The following LIN7A variants were observed in gnomAD, a reference collection of about 807,000 sequenced individuals.
The protein encoded by LIN7A is protein lin-7 homolog A.
In LIN7A, 25 loss-of-function variants were observed where a neutral mutation model predicts 29.8. That is an observed-to-expected ratio of 0.84 (90% CI 0.61 to 1.17). The LOEUF (loss-of-function observed/expected upper bound fraction) is 1.17. Among genes scored for constraint, LIN7A ranks in the 50% most tolerant of loss-of-function variants. The pLI is 0.00. For synonymous variants in LIN7A, 118 were observed against 107.5 expected (o/e 1.10, Z -0.60); for missense variants, 239 against 287.0 (o/e 0.83, Z 1.21).
intron 4 of LIN7A, among the ~76,000 whole-genome samples, chr12:80,828,897 GA>G (rs1411535293): frequency 6.6e-6 from 1 of 152,192 alleles, no homozygotes; most frequent in African/African-American, 2.4e-5. Context: ...TGGAGAGAGA[GA>G]GGGGCTGGAA....
At chr12:80,927,231 G>C (rs1472275134) in intron 1 of LIN7A, among the ~76,000 whole-genome samples, 1 of 133,180 alleles carries the variant, frequency 7.5e-6, no homozygotes, top group Admixed American at 8.9e-5. Flanking sequence ...GCGTGATCTC[G>C]GCTCATTGCA....
At chr12:80,867,944 G>C (rs1237994946) in intron 2 of LIN7A, among the ~76,000 whole-genome samples, 1 of 152,096 alleles carries the variant, frequency 6.6e-6, no homozygotes, top group East Asian at 1.9e-4. Context: ...TAACACAGTA[G>C]TATTTCAATT....
At chr12:80,798,786 CTTT>C (rs200030464) in intron 5 of LIN7A, among the ~76,000 whole-genome samples, 1 of 144,824 alleles carries the variant, frequency 6.9e-6, no homozygotes. Context: ...AGACTGAGTT[CTTT>C]TTTTTTTTTT....
intron 2 of LIN7A, among the ~76,000 whole-genome samples, chr12:80,873,856 C>CT (rs533172741): frequency 0.026 from 3,335 of 129,380 alleles, 53 homozygotes; most frequent in Non-Finnish European, 0.038. Flanking sequence ...TTTATGTTTG[C>CT]TTTTTTTTTT....
intron 2 of LIN7A, among the ~76,000 whole-genome samples, chr12:80,888,141 T>A (rs942261637): frequency 3.9e-5 from 6 of 152,156 alleles, no homozygotes; most frequent in African/African-American, 1.2e-4. Context: ...GACGTTATTA[T>A]GGTTATGTAC....
chr12:80,913,820 A>T (rs1876892339), intron 1 of LIN7A, among the ~76,000 whole-genome samples: 1 of 152,164 alleles, frequency 6.6e-6, no homozygotes, highest in Non-Finnish European at 1.5e-5. Flanking sequence ...ATTTTCTGAA[A>T]AAAATCTATA....
At chr12:80,802,592 C>T (rs1870773181) in intron 5 of LIN7A, among the ~76,000 whole-genome samples, 1 of 152,092 alleles carries the variant, frequency 6.6e-6, no homozygotes, top group Non-Finnish European at 1.5e-5. Flanking sequence ...ACCACTGGTG[C>T]ACAAGGATTC....
intron 1 of LIN7A, among the ~76,000 whole-genome samples, chr12:80,889,624 A>G (rs1875521270): frequency 6.6e-6 from 1 of 152,194 alleles, no homozygotes; most frequent in African/African-American, 2.4e-5. Context: ...GAATTTGAAT[A>G]TTATGTCAGT....
intron 4 of LIN7A, among the ~76,000 whole-genome samples, chr12:80,834,035 CA>C (rs1435745071): frequency 6.6e-6 from 1 of 152,158 alleles, no homozygotes; most frequent in Non-Finnish European, 1.5e-5. Context: ...TAGCCTTTTG[CA>C]AAACCAAATC....
intron 2 of LIN7A, among the ~76,000 whole-genome samples, chr12:80,848,857 G>C (rs186271280): frequency 6.6e-6 from 1 of 152,082 alleles, no homozygotes; most frequent in Non-Finnish European, 1.5e-5. Context: ...TGCAATCGAA[G>C]GTTGAAAGGT....
At chr12:80,828,201 C>T (rs1872176208) in intron 4 of LIN7A, among the ~76,000 whole-genome samples, 1 of 152,162 alleles carries the variant, frequency 6.6e-6, no homozygotes, top group African/African-American at 2.4e-5. Context: ...ATATCCATAT[C>T]TTCCTATCCT....
At chr12:80,807,065 T>TTTTTTTTGTTTTTTTTTTTTTTTTTTG (rs1285781054) in intron 5 of LIN7A, among the ~76,000 whole-genome samples, 3 of 46,638 alleles carry the variant, frequency 6.4e-5, no homozygotes, top group Non-Finnish European at 1.3e-4. Flanking sequence ...AAGATGGAGT[T>TTTTTTTTGTTTTTTTTTTTTTTTTTTG]TTTTTTTTTT....
chr12:80,814,997 A>G (rs1357665758), intron 4 of LIN7A, among the ~76,000 whole-genome samples: 2 of 152,234 alleles, frequency 1.3e-5, no homozygotes, highest in Non-Finnish European at 2.9e-5. Flanking sequence ...GCAGCTAAGA[A>G]GTGAATTTTA....
At chr12:80,851,037 C>G (rs1873306150) in intron 2 of LIN7A, among the ~76,000 whole-genome samples, 2 of 152,162 alleles carry the variant, frequency 1.3e-5, no homozygotes, top group African/African-American at 4.8e-5. Context: ...AGCAACTCAT[C>G]TCTATCTCCC....
chr12:80,907,827 T>C (rs572012815), intron 1 of LIN7A, among the ~76,000 whole-genome samples: 1 of 152,110 alleles, frequency 6.6e-6, no homozygotes, highest in East Asian at 1.9e-4. Flanking sequence ...TAGTAATAAA[T>C]ATAAGAAGGT....
At chr12:80,852,087 T>C (rs1222540339) in intron 2 of LIN7A, among the ~76,000 whole-genome samples, 1 of 152,184 alleles carries the variant, frequency 6.6e-6, no homozygotes, top group Non-Finnish European at 1.5e-5. Flanking sequence ...TAATGGTTGT[T>C]TTTAATTAAT....
At chr12:80,873,917 T>C (rs1874553743) in intron 2 of LIN7A, among the ~76,000 whole-genome samples, 1 of 151,962 alleles carries the variant, frequency 6.6e-6, no homozygotes, top group East Asian at 1.9e-4. Flanking sequence ...ATTACTGCTA[T>C]TTTGCCCTAC....
chr12:80,819,314 T>C (rs1316034105), intron 4 of LIN7A, among the ~76,000 whole-genome samples: 1 of 152,240 alleles, frequency 6.6e-6, no homozygotes, highest in East Asian at 1.9e-4. Flanking sequence ...TTAATTTTCC[T>C]GTTCTAAATG....
intron 1 of LIN7A, among the ~76,000 whole-genome samples, chr12:80,896,894 A>G (rs1303237035): frequency 6.6e-6 from 1 of 152,212 alleles, no homozygotes; most frequent in Non-Finnish European, 1.5e-5. Flanking sequence ...AGTTCTTAAG[A>G]GATTCTCTGG....
Sources: gnomAD v4.1 joint callset for allele counts (sites outside exome capture counted in the v4.1 genomes callset) on GRCh38, gnomAD v4.1.1 for gene constraint, MANE v1.5 for transcripts, NCBI Gene and HGNC (gene_info 2026-07-23, HGNC 2026-07-21) for gene names.